Variants in CNTN1 observed in about 807,000 individuals in gnomAD.
CNTN1 encodes contactin 1.
Under a neutral mutation model 126.4 loss-of-function variants are expected in CNTN1, and 38 were observed. The observed-to-expected ratio is 0.30, with a 90% CI of 0.23 to 0.39. The LOEUF (loss-of-function observed/expected upper bound fraction) is 0.39. CNTN1 is among the 10% of genes least tolerant of loss of function. The probability of loss-of-function intolerance (pLI) is 1.00; values close to 1 mark genes in which losing one functional copy is unlikely to be tolerated. For synonymous variants in CNTN1, 413 were observed against 422.6 expected (o/e 0.98, Z 0.28); for missense variants, 1,009 against 1,248.4 (o/e 0.81, Z 2.89).
chr12:40,939,382 G>A lies in CNTN1; in HGVS notation c.1276G>A (p.Ala426Thr), dbSNP rs757483329. ...EMNPMKKKIL[A>T]AKGGRVIIEC... The stretch of plus-strand genomic sequence containing the variant: ...GAATCCTATGAAGAAAAAGATCCTG[G>A]CTGCTAAAGGTGGAAGGGTGATAAT... Residue 426 changes from alanine to threonine, a missense_variant, in exon 12 of 24, where the codon GCT becomes ACT. Physicochemically the swap from Ala to Thr is moderately conservative, Grantham distance 58 (BLOSUM62 0). Transcript: ENST00000551295. 4.3e-6 allele frequency: 7 copies of A among 1,613,900 alleles called. No individual in the cohort carries two copies. The highest frequency in any genetic ancestry group is 5.9e-6 in the Non-Finnish European group (7 of 1,179,936).
intron 1 of CNTN1, among the ~76,000 whole-genome samples, chr12:40,694,867 C>T (rs889197578): frequency 6.6e-6 from 1 of 152,060 alleles, no homozygotes; most frequent in African/African-American, 2.4e-5. Flanking sequence ...GCTATGAGGG[C>T]CATAAAAAGC....
intron 1 of CNTN1, among the ~76,000 whole-genome samples, chr12:40,809,408 TA>T (rs1273256611): frequency 6.6e-6 from 1 of 152,112 alleles, no homozygotes; most frequent in Non-Finnish European, 1.5e-5. Flanking sequence ...GGGCAGGAAA[TA>T]AAATGTGTCC....
intron 15 of CNTN1, among the ~76,000 whole-genome samples, chr12:40,977,795 T>C (rs572517987): frequency 2.8e-4 from 43 of 151,392 alleles, no homozygotes; most frequent in Admixed American, 1.2e-3. Context: ...TGTTTTGTTT[T>C]GTTTTGTTTT....
intron 1 of CNTN1, among the ~76,000 whole-genome samples, chr12:40,844,393 C>T (rs1256861381): frequency 6.6e-6 from 1 of 152,040 alleles, no homozygotes; most frequent in Non-Finnish European, 1.5e-5. Flanking sequence ...TTATTGAATG[C>T]AAGCAAAATC....
chr12:40,758,078 T>G (rs1024941155), intron 1 of CNTN1, among the ~76,000 whole-genome samples: 1 of 151,386 alleles, frequency 6.6e-6, no homozygotes. Flanking sequence ...ACACTTTAAT[T>G]TGGTGCCTTA....
At chr12:40,753,484 A>G (rs1938480240) in intron 1 of CNTN1, among the ~76,000 whole-genome samples, 3 of 152,138 alleles carry the variant, frequency 2.0e-5, no homozygotes, top group Admixed American at 1.3e-4. Flanking sequence ...GAGGCCTCAC[A>G]ATCATGGCGG....
intron 1 of CNTN1, among the ~76,000 whole-genome samples, chr12:40,841,968 T>C (rs1337460634): frequency 6.6e-6 from 1 of 151,874 alleles, no homozygotes; most frequent in Non-Finnish European, 1.5e-5. Flanking sequence ...ATAAAAGTAT[T>C]CATTGCCCCA....
At chr12:40,727,738 C>A (rs1224511570) in intron 1 of CNTN1, among the ~76,000 whole-genome samples, 2 of 152,156 alleles carry the variant, frequency 1.3e-5, no homozygotes, top group African/African-American at 4.8e-5. Flanking sequence ...CTATAAAATA[C>A]ATATAGGATA....
intron 1 of CNTN1, among the ~76,000 whole-genome samples, chr12:40,867,331 TA>T (rs1429309277): frequency 6.6e-6 from 1 of 152,078 alleles, no homozygotes; most frequent in African/African-American, 2.4e-5. Flanking sequence ...CTACCATTAA[TA>T]AAATGGAAGG....
intron 14 of CNTN1, among the ~76,000 whole-genome samples, chr12:40,948,988 G>A (rs537831090): frequency 6.6e-6 from 1 of 152,230 alleles, no homozygotes; most frequent in South Asian, 2.1e-4. Context: ...GAGTGCATAA[G>A]CAATACCATT....
intron 23 of CNTN1, among the ~76,000 whole-genome samples, chr12:41,053,522 T>C (rs1373891997): frequency 7.0e-6 from 1 of 143,838 alleles, no homozygotes; most frequent in East Asian, 2.0e-4. Context: ...CTGGAAACTC[T>C]TGTTATTTTG....
chr12:40,772,324 G>A (rs1178572439), intron 1 of CNTN1, among the ~76,000 whole-genome samples: 1 of 151,924 alleles, frequency 6.6e-6, no homozygotes, highest in Non-Finnish European at 1.5e-5. Flanking sequence ...ACGCTCATTT[G>A]TTTGTCATCA....
At chr12:40,705,677 C>T (rs1941720552) in intron 1 of CNTN1, among the ~76,000 whole-genome samples, 1 of 152,092 alleles carries the variant, frequency 6.6e-6, no homozygotes, top group African/African-American at 2.4e-5. Flanking sequence ...TTGTGTTAGT[C>T]CATTCCTGCA....
At position 40,926,171 on chromosome 12, in the gene CNTN1, GGATAGATAGATA is replaced by G. The variant is rs56862813; in HGVS notation, c.496+1560_496+1571del. On this transcript the variant is annotated intron_variant, in intron 6 of 23. Transcript: ENST00000551295. The stretch of plus-strand genomic sequence containing the variant: ...TGCCATGTTAGATATTGCTAAATAA[GGATAGATAGATA>G]GATAGATAGATAGATAGATAGATAG... Among the ~76,000 whole-genome samples the G allele has an allele frequency of 1.2e-3, 160 of 137,616 alleles. 1 individual carries two copies. The highest frequency in any genetic ancestry group is 1.0e-3 in the Non-Finnish European group (65 of 64,702). The allele number at this position is 137,616 out of a possible 152,430, so 90.3% of individuals were successfully genotyped here.
intron 22 of CNTN1, among the ~76,000 whole-genome samples, chr12:41,028,808 T>C (rs903475982): frequency 6.6e-6 from 1 of 152,166 alleles, no homozygotes; most frequent in African/African-American, 2.4e-5. Flanking sequence ...TTATTTTGGG[T>C]CATCTCAAAA....
At chr12:40,790,746 G>A (rs6581963) in intron 1 of CNTN1, among the ~76,000 whole-genome samples, 146,155 of 152,068 alleles carry the variant, frequency 0.96, 70,485 homozygotes, top group East Asian at 1. Context: ...GAAAGGCTGC[G>A]ATGTGAATCT....
chr12:40,730,348 A>G lies in CNTN1; in HGVS notation c.-77+37756A>G, dbSNP rs530876487. On this transcript the variant is annotated intron_variant, in intron 1 of 23. Transcript: ENST00000551295. ...TCAAGGGCATACCTTGGAGATTCTC[A>G]GAGAAGGGTGGACGGTGCACTGTGG... Among the ~76,000 whole-genome samples the G allele has an allele frequency of 4.6e-5, 7 of 152,302 alleles. No homozygotes were observed. In the East Asian group the frequency reaches 1.3e-3, roughly 29 times the overall value.
At chr12:40,721,260 T>G (rs1408486701) in intron 1 of CNTN1, among the ~76,000 whole-genome samples, 2 of 152,082 alleles carry the variant, frequency 1.3e-5, no homozygotes, top group Non-Finnish European at 2.9e-5. Flanking sequence ...CAGTTTGTCA[T>G]GTTTCTTATC....
chr12:40,847,809 C>T (rs1379060906), intron 1 of CNTN1, among the ~76,000 whole-genome samples: 2 of 152,198 alleles, frequency 1.3e-5, no homozygotes, highest in African/African-American at 2.4e-5. Context: ...CGTTTTGGCA[C>T]CAGGGACAGG....
Sources: allele counts gnomAD v4.1 joint callset (sites outside exome capture counted in the v4.1 genomes callset), GRCh38; gene constraint gnomAD v4.1.1; transcripts MANE v1.5; gene names NCBI Gene and HGNC (gene_info 2026-07-23, HGNC 2026-07-21).